NFIA: variants seen among roughly 807,000 people sequenced by gnomAD.
NFIA encodes the protein nuclear factor I A.
A neutral mutation model predicts 62.8 loss-of-function variants in NFIA; 8 were observed. The observed-to-expected ratio is 0.13, with a 90% CI of 0.07 to 0.23. The LOEUF is 0.23. NFIA is among the 10% of genes least tolerant of loss of function. NFIA has a pLI of 1.00. For synonymous variants in NFIA, 235 were observed against 238.1 expected (o/e 0.99, Z 0.12); for missense variants, 410 against 642.1 (o/e 0.64, Z 3.91).
rs1255185642 is a variant in NFIA at position 61,082,686 on chromosome 1, C to T, written c.-106C>T. ...TTTCTCCCCCCTTCTCTCTCTCTCT[C>T]TCTCTCTCTCTTCCTCTCTCCCTCT... On this transcript the variant is annotated 5_prime_UTR_variant, in exon 1 of 11. Coordinates refer to ENST00000403491, the MANE Select transcript of NFIA (RefSeq NM_001134673.4). The T allele has an allele frequency of 1.9e-6, 3 of 1,539,894 alleles. No homozygotes were observed. The highest frequency in any genetic ancestry group is 2.0e-5 in the Admixed American group (1 of 49,622).
chr1:61,298,699 A>G (rs571163049), intron 3 of NFIA, among the ~76,000 whole-genome samples: 26 of 152,278 alleles, frequency 1.7e-4, no homozygotes, highest in African/African-American at 5.8e-4. Flanking sequence ...TACCTACCTC[A>G]TGGCTGTTGA....
intron 3 of NFIA, among the ~76,000 whole-genome samples, chr1:61,285,120 T>A (rs1658400314): frequency 6.6e-6 from 1 of 152,192 alleles, no homozygotes; most frequent in Non-Finnish European, 1.5e-5. Context: ...AAGGTGCACC[T>A]GGTGTTTGGC....
At chr1:61,328,883 C>T (rs573105839) in intron 3 of NFIA, among the ~76,000 whole-genome samples, 12 of 150,154 alleles carry the variant, frequency 8.0e-5, no homozygotes, top group African/African-American at 2.2e-4. Flanking sequence ...TCACTACAGC[C>T]GGCTAATTTT....
intron 6 of NFIA, among the ~76,000 whole-genome samples, chr1:61,371,786 T>C (rs1015400081): frequency 6.6e-6 from 1 of 152,152 alleles, no homozygotes; most frequent in African/African-American, 2.4e-5. Flanking sequence ...CCTAGTTTTG[T>C]CTATTGAGAC....
At chr1:61,265,460 G>T (rs1025301846) in intron 2 of NFIA, among the ~76,000 whole-genome samples, 2 of 152,102 alleles carry the variant, frequency 1.3e-5, no homozygotes, top group Non-Finnish European at 2.9e-5. Context: ...GGAAAGGCTT[G>T]GGTGAATTTC....
chr1:61,260,297 G>A (rs562795289), intron 2 of NFIA, among the ~76,000 whole-genome samples: 2 of 152,200 alleles, frequency 1.3e-5, no homozygotes, highest in South Asian at 2.1e-4. Flanking sequence ...CAGACTTTTC[G>A]AGCAGTGAGC....
At chr1:61,298,402 T>C (rs1659309800) in intron 3 of NFIA, among the ~76,000 whole-genome samples, 1 of 152,236 alleles carries the variant, frequency 6.6e-6, no homozygotes, top group East Asian at 1.9e-4. Flanking sequence ...GTATTCTCTA[T>C]AGCAGTGTGA....
intron 3 of NFIA, among the ~76,000 whole-genome samples, chr1:61,293,030 G>A (rs193154661): frequency 6.6e-6 from 1 of 152,132 alleles, no homozygotes; most frequent in South Asian, 2.1e-4. Context: ...GCTGGCTTTG[G>A]TGAAGTTGTA....
chr1:61,227,970 G>A (rs182267471), intron 2 of NFIA, among the ~76,000 whole-genome samples: 11 of 152,088 alleles, frequency 7.2e-5, no homozygotes, highest in Non-Finnish European at 1.3e-4. Context: ...ATTGTGGTCT[G>A]TACATTCTCA....
At chr1:61,347,401 C>T (rs1662294761) in intron 4 of NFIA, among the ~76,000 whole-genome samples, 1 of 151,862 alleles carries the variant, frequency 6.6e-6, no homozygotes, top group Non-Finnish European at 1.5e-5. Context: ...TCTCGATCTC[C>T]TGACCTCATG....
chr1:61,242,767 T>G (rs1655419146), intron 2 of NFIA, among the ~76,000 whole-genome samples: 1 of 152,176 alleles, frequency 6.6e-6, no homozygotes, highest in Admixed American at 6.5e-5. Flanking sequence ...AACATTTTAT[T>G]TAATGCTTAA....
At chr1:61,438,998 G>GACACACACAC (rs3076170) in intron 10 of NFIA, among the ~76,000 whole-genome samples, 159 of 141,950 alleles carry the variant, frequency 1.1e-3, no homozygotes, top group Admixed American at 2.3e-3. Context: ...CATGCATGCA[G>GACACACACAC]ACACACACAC....
At chr1:61,277,375 C>CTTT in intron 2 of NFIA, 145 bp from the exon 3 acceptor site, 2 of 732,076 alleles carry the variant, frequency 2.7e-6, no homozygotes, top group South Asian at 3.6e-5. Context: ...CTCTTTCCAT[C>CTTT]TTTTCTTTTT....
chr1:61,134,160 G>A (rs1422409531), intron 2 of NFIA, among the ~76,000 whole-genome samples: 3 of 151,912 alleles, frequency 2.0e-5, no homozygotes, highest in South Asian at 2.1e-4. Flanking sequence ...CTTGCCTTTT[G>A]TGGGTTTTTT....
At chr1:61,113,295 G>A (rs1273895707) in intron 2 of NFIA, among the ~76,000 whole-genome samples, 1 of 151,860 alleles carries the variant, frequency 6.6e-6, no homozygotes, top group East Asian at 1.9e-4. Flanking sequence ...AATACCAAAT[G>A]AGAATATGTT....
rs758499428 is a variant in NFIA at position 61,359,216 on chromosome 1, C to T, written c.888C>T (p.Gly296=). 8 of 1,612,958 alleles carry T rather than the reference C, an allele frequency of 5.0e-6. No individual in the cohort carries two copies. The African/African-American group carries it at 1.1e-4, about 22-fold the overall frequency. Residue 296 remains glycine (G), a synonymous_variant, in exon 6 of 11, where the codon GGC becomes GGT. Transcript: ENST00000403491. ...CTGGTGAGGAGCCATTTTATACAGG[C>T]CAAGGGCGCTCCCCAGGAAGTGGCA... ...DSPGEEPFYT[G]QGRSPGSGSQ...
chr1:61,255,930 G>C (rs1656362653), intron 2 of NFIA, among the ~76,000 whole-genome samples: 1 of 152,090 alleles, frequency 6.6e-6, no homozygotes, highest in South Asian at 2.1e-4. Flanking sequence ...GCCGCTGCTA[G>C]GCTGCCCTCG....
rs996877552 is a variant in NFIA, at chr1:61,456,012, T to C, written c.*692T>C. 1.3e-5 allele frequency: 2 copies of C among 152,624 alleles called. No individual in the cohort carries two copies. Among genetic ancestry groups the C allele is most frequent in the African/African-American group, 4.8e-5 (2 of 41,442 alleles). The allele number at this position is 152,624 out of a possible 1,614,324, so 9.5% of individuals were successfully genotyped here. Reference sequence around the variant, plus strand: ...ACTACTACTACTACTGTTCAGTTTTTTAAAAGTTTTGAAATGCTGCACTTA... The same window carrying C: ...ACTACTACTACTACTGTTCAGTTTTCTAAAAGTTTTGAAATGCTGCACTTA... On this transcript the variant is annotated 3_prime_UTR_variant, in exon 11 of 11. Transcript: ENST00000403491.
At chr1:61,137,679 G>A (rs906063454) in intron 2 of NFIA, among the ~76,000 whole-genome samples, 1 of 152,202 alleles carries the variant, frequency 6.6e-6, no homozygotes, top group Middle Eastern at 3.4e-3. Flanking sequence ...GTGATTCCAG[G>A]TAGGCAACCT....
Sources: allele counts gnomAD v4.1 joint callset (sites outside exome capture counted in the v4.1 genomes callset), GRCh38; gene constraint gnomAD v4.1.1; transcripts MANE v1.5; gene names NCBI Gene and HGNC (gene_info 2026-07-23, HGNC 2026-07-21).